Variants in BMPR1B observed in about 807,000 individuals in gnomAD.
BMPR1B encodes the protein bone morphogenetic protein receptor type-1B.
Under a neutral mutation model 59.1 loss-of-function variants are expected in BMPR1B, and 12 were observed. That is an observed-to-expected ratio of 0.20 (90% CI 0.13 to 0.33). The LOEUF (loss-of-function observed/expected upper bound fraction) is 0.33, where lower values mean the gene tolerates loss of function less well. Ranked by LOEUF, BMPR1B falls within the 10% of genes least tolerant of loss-of-function variation. The pLI, the probability that BMPR1B is intolerant of heterozygous loss-of-function variation, is 1.00. For synonymous variants in BMPR1B, 237 were observed against 207.3 expected (o/e 1.14, Z -1.23); for missense variants, 550 against 610.9 (o/e 0.90, Z 1.05).
At chr4:95,046,275 CTGTT>C (rs561548866) in intron 3 of BMPR1B, among the ~76,000 whole-genome samples, 62 of 152,250 alleles carry the variant, frequency 4.1e-4, no homozygotes, top group Non-Finnish European at 7.4e-4. Flanking sequence ...AATGATCACA[CTGTT>C]TGTGACAGGA....
At chr4:94,919,719 T>C (rs1336085675) in intron 2 of BMPR1B, among the ~76,000 whole-genome samples, 2 of 152,174 alleles carry the variant, frequency 1.3e-5, no homozygotes, top group Non-Finnish European at 2.9e-5. Context: ...AGGCTGAGCC[T>C]TTTCTATATT....
chr4:94,788,957 A>G (rs1032342446), intron 1 of BMPR1B, among the ~76,000 whole-genome samples: 5 of 152,036 alleles, frequency 3.3e-5, no homozygotes, highest in Admixed American at 2.0e-4. Flanking sequence ...CATCTATCCC[A>G]GCCTCCCCTG....
intron 3 of BMPR1B, among the ~76,000 whole-genome samples, chr4:95,100,790 T>C (rs1344553387): frequency 6.6e-6 from 1 of 152,210 alleles, no homozygotes; most frequent in Non-Finnish European, 1.5e-5. Flanking sequence ...TTTTCATTTA[T>C]GCAATTATAT....
chr4:95,141,824 A>C (rs749515051), intron 10 of BMPR1B, among the ~76,000 whole-genome samples: 1 of 152,174 alleles, frequency 6.6e-6, no homozygotes, highest in African/African-American at 2.4e-5. Flanking sequence ...ACCTGCAATA[A>C]AGACTAGGCT....
chr4:94,950,770 A>G (rs531267983), intron 2 of BMPR1B, among the ~76,000 whole-genome samples: 115 of 152,232 alleles, frequency 7.6e-4, no homozygotes, highest in African/African-American at 2.6e-3. Flanking sequence ...TCTTGGCTAT[A>G]TGGCCTTTTT....
At chr4:94,961,583 T>A (rs1307429982) in intron 2 of BMPR1B, among the ~76,000 whole-genome samples, 2 of 152,188 alleles carry the variant, frequency 1.3e-5, no homozygotes, top group African/African-American at 2.4e-5. Context: ...CCATTATTTA[T>A]CTATCAGTCA....
At chr4:95,118,232 G>A (rs959632767) in intron 6 of BMPR1B, among the ~76,000 whole-genome samples, 1 of 152,136 alleles carries the variant, frequency 6.6e-6, no homozygotes, top group African/African-American at 2.4e-5. Flanking sequence ...TTTTGGGCCA[G>A]CTGTTTTGGG....
At chr4:94,907,812 C>G (rs1350160234) in intron 2 of BMPR1B, among the ~76,000 whole-genome samples, 3 of 151,590 alleles carry the variant, frequency 2.0e-5, no homozygotes, top group African/African-American at 7.3e-5. Context: ...TCCTCAGTGC[C>G]TAATTTAATA....
chr4:94,769,325 T>C (rs771029157), intron 1 of BMPR1B, among the ~76,000 whole-genome samples: 46 of 152,302 alleles, frequency 3.0e-4, no homozygotes, highest in Non-Finnish European at 3.1e-4. Flanking sequence ...AAATTCACAG[T>C]TGAGGCCGGG....
intron 2 of BMPR1B, among the ~76,000 whole-genome samples, chr4:94,936,895 G>A (rs1729325433): frequency 6.6e-6 from 1 of 151,920 alleles, no homozygotes; most frequent in South Asian, 2.1e-4. Context: ...AAAATAGTTT[G>A]TTAACATCTG....
At chr4:94,816,450 C>T (rs1388862110) in intron 1 of BMPR1B, among the ~76,000 whole-genome samples, 2 of 152,172 alleles carry the variant, frequency 1.3e-5, no homozygotes, top group Non-Finnish European at 2.9e-5. Flanking sequence ...AGGCATGAGC[C>T]ACTGCACCCG....
chr4:94,816,102 A>G (rs186504225), intron 1 of BMPR1B, among the ~76,000 whole-genome samples: 112 of 152,236 alleles, frequency 7.4e-4, no homozygotes, highest in African/African-American at 2.6e-3. Flanking sequence ...ATTCATTACA[A>G]TCCCTTTTCA....
intron 1 of BMPR1B, among the ~76,000 whole-genome samples, chr4:94,786,810 C>A (rs1722781872): frequency 6.6e-6 from 1 of 152,102 alleles, no homozygotes. Flanking sequence ...TCCCAAAGTG[C>A]TGGGATTACA....
intron 3 of BMPR1B, among the ~76,000 whole-genome samples, chr4:95,064,671 G>A (rs897304664): frequency 3.9e-5 from 6 of 152,020 alleles, no homozygotes; most frequent in Non-Finnish European, 5.9e-5. Flanking sequence ...GTAAAGAACC[G>A]TTACAAATTA....
intron 1 of BMPR1B, among the ~76,000 whole-genome samples, chr4:94,758,513 G>A (rs1721619985): frequency 6.6e-6 from 1 of 151,632 alleles, no homozygotes; most frequent in African/African-American, 2.4e-5. Context: ...CCGGGAAATG[G>A]GAGGGAGCCC....
At chr4:94,949,850 C>T (rs1287653318) in intron 2 of BMPR1B, among the ~76,000 whole-genome samples, 1 of 152,122 alleles carries the variant, frequency 6.6e-6, no homozygotes, top group East Asian at 1.9e-4. Context: ...GTTTTAGATC[C>T]TTGAGGAATT....
intron 3 of BMPR1B, among the ~76,000 whole-genome samples, chr4:95,063,541 A>T (rs1054053093): frequency 6.6e-6 from 1 of 152,154 alleles, no homozygotes. Flanking sequence ...TTTAGATTGA[A>T]ATCAACACTG....
chr4:94,902,116 A>G (rs1023637302), intron 2 of BMPR1B, among the ~76,000 whole-genome samples: 3 of 141,622 alleles, frequency 2.1e-5, no homozygotes, highest in African/African-American at 8.0e-5. Flanking sequence ...CAACTTGACT[A>G]TCCCTCTCTT....
intron 3 of BMPR1B, among the ~76,000 whole-genome samples, chr4:95,011,612 G>A (rs1723233860): frequency 2.0e-5 from 3 of 152,154 alleles, no homozygotes; most frequent in Non-Finnish European, 4.4e-5. Context: ...AATTCAAAAT[G>A]TCCGCCCTCT....
Sources: allele counts gnomAD v4.1 joint callset (sites outside exome capture counted in the v4.1 genomes callset), GRCh38; gene constraint gnomAD v4.1.1; transcripts MANE v1.5; gene names NCBI Gene and HGNC (gene_info 2026-07-23, HGNC 2026-07-21).